Variants in ELOVL6 observed in about 807,000 individuals in gnomAD.
The protein encoded by ELOVL6 is ELOVL fatty acid elongase 6.
Under a neutral mutation model 31.7 loss-of-function variants are expected in ELOVL6, and 8 were observed. That is an observed-to-expected ratio of 0.25 (90% confidence interval 0.15 to 0.45). ELOVL6 has a LOEUF of 0.45. Among genes scored for constraint, ELOVL6 ranks in the 20% least tolerant of loss-of-function variants. The pLI is 1.00. For synonymous variants in ELOVL6, 101 were observed against 117.7 expected, an observed-to-expected ratio of 0.86 and a Z score of 0.92; for missense variants, 126 against 326.4, an observed-to-expected ratio of 0.39 and a Z score of 4.73.
intron 2 of ELOVL6, among the ~76,000 whole-genome samples, chr4:110,094,796 T>A (rs146647524): frequency 2.3e-4 from 35 of 152,146 alleles, no homozygotes; most frequent in Non-Finnish European, 4.7e-4. Flanking sequence ...AAGACTGGAC[T>A]AGGGCATGTC....
intron 1 of ELOVL6, among the ~76,000 whole-genome samples, chr4:110,181,846 G>A (rs531616879): frequency 6.6e-6 from 1 of 152,276 alleles, no homozygotes; most frequent in African/African-American, 2.4e-5. Context: ...AGGCTCTCTG[G>A]ATCCACAGAG....
intron 1 of ELOVL6, among the ~76,000 whole-genome samples, chr4:110,116,631 C>A (rs1342000276): frequency 2.0e-5 from 3 of 152,198 alleles, no homozygotes; most frequent in South Asian, 2.1e-4. Flanking sequence ...AAATTGCCAT[C>A]TCTCAACACT....
rs1560814585 is a variant in ELOVL6, at chr4:110,084,218, C to CA, written c.221+21278_221+21279insT. 1.5e-4 allele frequency among the ~76,000 whole-genome samples: 9 copies of CA among 60,338 alleles called. 1 individual carries two copies. Among genetic ancestry groups the CA allele is most frequent in the African/African-American group, 8.0e-4 (9 of 11,242 alleles). The allele number at this position is 60,338 out of a possible 152,430, so 39.6% of individuals were successfully genotyped here. ...CTTATATGATATATATAACATATAA[C>CA]TTATATGATATATATAACATATATG... On this transcript the variant is annotated intron_variant, in intron 2 of 3. Transcript: ENST00000302274.
rs1756255219 is a variant in ELOVL6, at chr4:110,086,073, AG to A, written c.221+19423del. 3.9e-5 allele frequency among the ~76,000 whole-genome samples: 6 copies of A among 152,232 alleles called. No individual in the cohort carries two copies. In the South Asian group the frequency reaches 1.2e-3, roughly 31 times the overall value. On this transcript the variant is annotated intron_variant, in intron 2 of 3. Transcript: ENST00000302274. ...CAAATGACCCACAGGTCACAGTTTG[AG>A]AAACTCTACAGCAAAGTGTTTCCCT...
In ELOVL6 at chr4:110,061,571, T is replaced by C; in HGVS notation, c.222-1817A>G. ...TGGCTTTTTTTTTTTTTTTTTTTTT[T>C]TTTGAGACAGAATCTCGCTCTCTCA... On this transcript the variant is annotated intron_variant, in intron 2 of 3. Transcript: ENST00000302274. 1.7e-5 allele frequency among the ~76,000 whole-genome samples: 2 copies of C among 120,434 alleles called. 1 individual carries two copies. Among genetic ancestry groups the C allele is most frequent in the South Asian group, 5.6e-4 (2 of 3,598 alleles). The allele number at this position is 120,434 out of a possible 152,430, so 79.0% of individuals were successfully genotyped here.
intron 2 of ELOVL6, among the ~76,000 whole-genome samples, chr4:110,084,068 T>TATATGCTATATATGATATATAAC: frequency 1.8e-5 from 1 of 56,134 alleles, no homozygotes; most frequent in Admixed American, 1.8e-4. Flanking sequence ...ATATATAACA[T>TATATGCTATATATGATATATAAC]ATATATGCTA....
At chr4:110,091,133 T>C (rs556896356) in intron 2 of ELOVL6, among the ~76,000 whole-genome samples, 7 of 152,196 alleles carry the variant, frequency 4.6e-5, no homozygotes, top group Non-Finnish European at 1.0e-4. Context: ...CTTCAAACTT[T>C]AACCTAGTTC....
At chr4:110,125,608 G>C (rs1004035969) in intron 1 of ELOVL6, among the ~76,000 whole-genome samples, 2 of 151,602 alleles carry the variant, frequency 1.3e-5, no homozygotes, top group African/African-American at 2.4e-5. Flanking sequence ...ATCACCTGAG[G>C]TCAGGAGTTT....
At chr4:110,180,205 G>A (rs1320194889) in intron 1 of ELOVL6, among the ~76,000 whole-genome samples, 1 of 151,978 alleles carries the variant, frequency 6.6e-6, no homozygotes, top group Non-Finnish European at 1.5e-5. Context: ...TAAAAATCTC[G>A]GGTTTGCCTG....
chr4:110,132,282 AG>A (rs1366767264), intron 1 of ELOVL6, among the ~76,000 whole-genome samples: 1 of 152,158 alleles, frequency 6.6e-6, no homozygotes, highest in Admixed American at 6.5e-5. Flanking sequence ...TGATAGAGAC[AG>A]TGGCCAGGTA....
At position 110,048,288 on chromosome 4, in the gene ELOVL6, C is replaced by T. The variant is rs1446596032; in HGVS notation, c.*3050G>A. ...CCCATAAGCAACACTAGAAGGTCCA[C>T]GTAAACCCCCTGCTTTATGAATAGA... On this transcript the variant is annotated 3_prime_UTR_variant, in exon 4 of 4. Transcript: ENST00000302274. 1 of 152,290 alleles carries T rather than the reference C, an allele frequency of 6.6e-6. No individual in the cohort carries two copies. The highest frequency in any genetic ancestry group is 2.4e-5 in the African/African-American group (1 of 41,560). The allele number at this position is 152,290 out of a possible 1,614,324, so 9.4% of individuals were successfully genotyped here.
chr4:110,083,018 G>A (rs905280664), intron 2 of ELOVL6, among the ~76,000 whole-genome samples: 1 of 151,568 alleles, frequency 6.6e-6, no homozygotes, highest in Non-Finnish European at 1.5e-5. Flanking sequence ...GAGAACACAG[G>A]TATCCTTTTA....
At chr4:110,118,784 A>G (rs1358775783) in intron 1 of ELOVL6, among the ~76,000 whole-genome samples, 2 of 152,228 alleles carry the variant, frequency 1.3e-5, no homozygotes, top group African/African-American at 4.8e-5. Flanking sequence ...AATTGAGAGT[A>G]GGCCAGATGC....
At chr4:110,053,225 GTTC>G (rs771538204) in intron 3 of ELOVL6, among the ~76,000 whole-genome samples, 4 of 152,284 alleles carry the variant, frequency 2.6e-5, no homozygotes, top group East Asian at 1.9e-4. Flanking sequence ...CCCGGCCCTG[GTTC>G]TTCTTCTTCT....
intron 1 of ELOVL6, among the ~76,000 whole-genome samples, chr4:110,137,805 T>C (rs1430062278): frequency 6.6e-6 from 1 of 152,216 alleles, no homozygotes; most frequent in Non-Finnish European, 1.5e-5. Context: ...TCCAGCCATC[T>C]AGCTTCATGG....
chr4:110,064,657 AT>A (rs1054926838), intron 2 of ELOVL6, among the ~76,000 whole-genome samples: 50 of 149,662 alleles, frequency 3.3e-4, no homozygotes, highest in South Asian at 1.3e-3. Context: ...CATATTAGAA[AT>A]TTTTTTTTTA....
intron 1 of ELOVL6, among the ~76,000 whole-genome samples, chr4:110,196,820 C>T (rs968438698): frequency 6.6e-6 from 1 of 152,086 alleles, no homozygotes; most frequent in Admixed American, 6.5e-5. Flanking sequence ...CGGCAGCCGC[C>T]GCAAATGGCC....
chr4:110,057,246 C>G (rs1359021335), intron 3 of ELOVL6, among the ~76,000 whole-genome samples: 2 of 151,850 alleles, frequency 1.3e-5, no homozygotes, highest in Admixed American at 6.6e-5. Context: ...TTTTTGTGAT[C>G]TGAGGCTTAA....
At chr4:110,118,410 C>T (rs920934215) in intron 1 of ELOVL6, among the ~76,000 whole-genome samples, 2 of 152,120 alleles carry the variant, frequency 1.3e-5, no homozygotes, top group African/African-American at 2.4e-5. Context: ...TCCATGATAA[C>T]CAATATTAAC....
Sources: allele counts gnomAD v4.1 joint callset (sites outside exome capture counted in the v4.1 genomes callset), GRCh38; gene constraint gnomAD v4.1.1; transcripts MANE v1.5; gene names NCBI Gene and HGNC (gene_info 2026-07-23, HGNC 2026-07-21).